Variants in PIP5KL1 observed in about 807,000 individuals in gnomAD.
PIP5KL1 encodes phosphatidylinositol 4-phosphate 5-kinase-like protein 1.
Under a neutral mutation model 47.6 loss-of-function variants are expected in PIP5KL1, and 45 were observed. That is an observed-to-expected ratio of 0.94 (90% CI 0.74 to 1.21). The LOEUF (loss-of-function observed/expected upper bound fraction) is 1.21. Ranked by LOEUF, PIP5KL1 falls within the 50% of genes most tolerant of loss-of-function variation. PIP5KL1 has a pLI of 0.00. For missense variants in PIP5KL1, 577 were observed against 547.6 expected (o/e 1.05, Z -0.54); for synonymous variants, 256 against 234.6 (o/e 1.09, Z -0.84).
intron 3 of PIP5KL1, 96 bp from the exon 4 acceptor site, chr9:127,928,315 C>A: frequency 1.3e-6 from 2 of 1,537,676 alleles, no homozygotes; most frequent in Non-Finnish European, 1.8e-6. Flanking sequence ...CCACACCCTT[C>A]CTGCAAGGCT....
rs1355564828 is a variant in PIP5KL1 at position 127,928,555 on chromosome 9, C to T, written c.229-72G>A. On this transcript the variant is annotated intron_variant, in intron 2 of 9. Transcript: ENST00000388747. ...TGCCTGCCCCAGGATCTCCAGATGT[C>T]CTGCACCTGGCCCGTCCCCCACCTC... 3.5e-6 allele frequency: 5 copies of T among 1,413,562 alleles called. No individual in the cohort carries two copies. In the Admixed American group the frequency reaches 1.3e-4, roughly 35 times the overall value. 87.6% of individuals were successfully genotyped at this position (1,413,562 alleles called of 1,614,324 possible). A position where few individuals can be genotyped will look rare whatever the true frequency, so the allele number is the denominator to read the frequency against.
At chr9:127,924,318 C>T (rs546973682) in intron 9 of PIP5KL1, among the ~76,000 whole-genome samples, 2 of 152,086 alleles carry the variant, frequency 1.3e-5, no homozygotes, top group South Asian at 2.1e-4. Flanking sequence ...GATGAAACCC[C>T]GTCTCTAATA....
Position 127,927,012 on chromosome 9 carries a change from C to CA in PIP5KL1, c.650+140dup. The CA allele has an allele frequency of 1.0e-6, 1 of 1,004,342 alleles. No individual in the cohort carries two copies. The allele number at this position is 1,004,342 out of a possible 1,614,324, so 62.2% of individuals were successfully genotyped here. A position where few individuals can be genotyped will look rare whatever the true frequency, so the allele number is the denominator to read the frequency against. On this transcript the variant is annotated intron_variant, in intron 7 of 9. Coordinates refer to ENST00000388747, the MANE Select transcript of PIP5KL1 (RefSeq NM_001135219.2). The surrounding 1 kb of genome is among the most constrained non-coding windows in gnomAD (Gnocchi z 5.5). ...CTCCAGAGATGCTGGGTGTGGGCGTCACTGTCTCTGACCCACCAGATCTTG... is the reference window on the plus strand; with the variant it reads ...CTCCAGAGATGCTGGGTGTGGGCGTCAACTGTCTCTGACCCACCAGATCTTG...
intron 7 of PIP5KL1, 34 bp from the exon 8 acceptor site, chr9:127,926,013 A>G (rs760641564): frequency 6.7e-7 from 1 of 1,488,576 alleles, no homozygotes; most frequent in South Asian, 1.2e-5. Context: ...CTTTACATAG[A>G]TTTGAGACAC....
intron 9 of PIP5KL1, among the ~76,000 whole-genome samples, chr9:127,924,655 C>CAAAAAAAAA (rs151136722): frequency 1.6e-5 from 1 of 63,624 alleles, no homozygotes. Context: ...AACTCCATCT[C>CAAAAAAAAA]AAAAAAAAAA....
chr9:127,928,214 G>T lies in PIP5KL1; in HGVS notation c.285C>A (p.Phe95Leu). Residue 95 changes from phenylalanine to leucine, a missense_variant, in exon 4 of 10, where the codon TTC becomes TTA. Coordinates refer to ENST00000388747, the MANE Select transcript of PIP5KL1 (RefSeq NM_001135219.2). ...CGGGGCCGGCCAGCGTGCCCAGCTC[G>T]AAGCCCTGCAGGGGAGGAAGAGCCT... The part of the protein sequence containing the change: ...SEVLTQVHEG[F>L]ELGTLAGPAF... 6.5e-7 allele frequency: 1 copy of T among 1,536,228 alleles called. No individual in the cohort carries two copies. Among genetic ancestry groups the T allele is most frequent in the South Asian group, 1.2e-5 (1 of 82,688 alleles).
At chr9:127,926,155 TTC>T (rs910149585) in intron 7 of PIP5KL1, among the ~76,000 whole-genome samples, 176 bp from the exon 8 acceptor site, 3 of 151,858 alleles carry the variant, frequency 2.0e-5, no homozygotes, top group African/African-American at 7.2e-5. Context: ...TTTTCTTTCT[TTC>T]TCTCTCTCTT....
chr9:127,930,678 C>G, intron 1 of PIP5KL1, 45 bp downstream of exon 1: 7 of 1,517,132 alleles, frequency 4.6e-6, no homozygotes, highest in Non-Finnish European at 6.2e-6. Flanking sequence ...CGGCCCCTGC[C>G]CACCAACCCT....
At chr9:127,926,991 A>G (rs1199354484) in intron 7 of PIP5KL1, among the ~76,000 whole-genome samples, 162 bp downstream of exon 7, 1 of 152,220 alleles carries the variant, frequency 6.6e-6, no homozygotes, top group East Asian at 1.9e-4. Flanking sequence ...TGAGTGCTCC[A>G]GAGATGCTGG....
At chr9:127,930,663 A>T in intron 1 of PIP5KL1, 60 bp downstream of exon 1, 2 of 1,463,922 alleles carry the variant, frequency 1.4e-6, no homozygotes, top group African/African-American at 1.5e-5. Flanking sequence ...CGCCGAGGGG[A>T]GGCCCGGCCC....
Position 127,930,242 on chromosome 9 carries a change from G to A in PIP5KL1, c.31-357C>T, listed in dbSNP as rs140534222. Reference sequence around the variant, plus strand: ...ACGTGAAAACTAGAACAGCTTCTTCGTGGTAGGTATGAACTCTTGTTACTT... The same window carrying A: ...ACGTGAAAACTAGAACAGCTTCTTCATGGTAGGTATGAACTCTTGTTACTT... On this transcript the variant is annotated intron_variant, in intron 1 of 9. Transcript: ENST00000388747. Among the ~76,000 whole-genome samples, 12 of 152,302 alleles carry A rather than the reference G, an allele frequency of 7.9e-5. No individual in the cohort carries two copies. In the East Asian group the frequency reaches 2.3e-3, roughly 29 times the overall value.
At chr9:127,924,982 ACT>A (rs1831339168) in intron 9 of PIP5KL1, 123 bp downstream of exon 9, 2 of 1,336,712 alleles carry the variant, frequency 1.5e-6, no homozygotes, top group South Asian at 1.4e-5. Context: ...ACACACACAA[ACT>A]CTGCACTTTC....
intron 9 of PIP5KL1, 110 bp from the exon 10 acceptor site, chr9:127,922,224 C>T (rs909184475): frequency 3.1e-6 from 4 of 1,305,844 alleles, no homozygotes; most frequent in African/African-American, 3.0e-5. Context: ...ATTCCCACAC[C>T]TCCTGTGTGC....
chr9:127,921,624 G>A lies in PIP5KL1; in HGVS notation c.*223C>T. ...CATGGTCTGTAAAAAGAGAATAATAGCATTTTTTGAGGATTAAATGAGCTA... is the reference window on the plus strand; with the variant it reads ...CATGGTCTGTAAAAAGAGAATAATAACATTTTTTGAGGATTAAATGAGCTA... On this transcript the variant is annotated 3_prime_UTR_variant, in exon 10 of 10. Transcript: ENST00000388747. 1.6e-6 allele frequency: 1 copy of A among 611,970 alleles called. No homozygotes were observed. The highest frequency in any genetic ancestry group is 2.8e-6 in the Non-Finnish European group (1 of 357,964). The allele number at this position is 611,970 out of a possible 1,614,324, so 37.9% of individuals were successfully genotyped here.
rs1288233936 is a variant in PIP5KL1, at chr9:127,927,628, C to T, written c.559+20G>A. Reference sequence around the variant, plus strand: ...TGACCTAGGACCCGCCCCCACCGAGCCCCGCCCCCAGCCAAGTACCCAGCA... The same window carrying T: ...TGACCTAGGACCCGCCCCCACCGAGTCCCGCCCCCAGCCAAGTACCCAGCA... On this transcript the variant is annotated intron_variant, in intron 5 of 9. Coordinates refer to ENST00000388747, the MANE Select transcript of PIP5KL1 (RefSeq NM_001135219.2). The surrounding 1 kb of genome is among the most constrained non-coding windows in gnomAD (Gnocchi z 5.5). 2 of 1,524,842 alleles carry T rather than the reference C, an allele frequency of 1.3e-6. No individual in the cohort carries two copies. The highest frequency in any genetic ancestry group is 1.2e-5 in the South Asian group (1 of 83,334). 94.5% of individuals were successfully genotyped at this position (1,524,842 alleles called of 1,614,324 possible).
At chr9:127,928,615 A>C (rs1831397234) in intron 2 of PIP5KL1, 132 bp from the exon 3 acceptor site, 1 of 966,220 alleles carries the variant, frequency 1.0e-6, no homozygotes, top group Admixed American at 2.9e-5. Context: ...CCGGGACCGG[A>C]GTTTCTGAGA....
Position 127,927,348 on chromosome 9 carries a change from C to T in PIP5KL1, c.560-17G>A, listed in dbSNP as rs1009700916. On this transcript the variant is annotated splice_polypyrimidine_tract_variant and intron_variant, in intron 5 of 9. Coordinates refer to ENST00000388747, the MANE Select transcript of PIP5KL1 (RefSeq NM_001135219.2). This position sits in a 1 kb window ranked among gnomAD's most constrained non-coding sequence, Gnocchi z 5.5. ...TGTGCACTCCTGGAAGGGGAGAGGG[C>T]GCCGGATGAGGATCCCCAAACTCCA... 1.9e-6 allele frequency: 3 copies of T among 1,602,282 alleles called. No homozygotes were observed. Among genetic ancestry groups the T allele is most frequent in the Non-Finnish European group, 2.5e-6 (3 of 1,176,706 alleles).
intron 8 of PIP5KL1, chr9:127,925,497 G>C (rs1270568176): frequency 1.9e-6 from 1 of 521,518 alleles, no homozygotes. Flanking sequence ...ACAGAGTCTT[G>C]CTCTGTCGCA....
In PIP5KL1 at chr9:127,929,653, G is replaced by A; in HGVS notation, c.228+35C>T. 1.1e-5 allele frequency: 17 copies of A among 1,510,640 alleles called. No homozygotes were observed. The highest frequency in any genetic ancestry group is 1.5e-5 in the Non-Finnish European group (17 of 1,118,220). 93.6% of individuals were successfully genotyped at this position (1,510,640 alleles called of 1,614,324 possible). On this transcript the variant is annotated intron_variant, in intron 2 of 9. Transcript: ENST00000388747. The surrounding 1 kb of genome is among the most constrained non-coding windows in gnomAD (Gnocchi z 4.0). Reference sequence around the variant, plus strand: ...GCATCAGCCAAGTCTTGCCATTGCTGGTGTGGAGATTCGTGGGACAGATGG... The same window carrying A: ...GCATCAGCCAAGTCTTGCCATTGCTAGTGTGGAGATTCGTGGGACAGATGG...
Sources: gnomAD v4.1 joint callset for allele counts (sites outside exome capture counted in the v4.1 genomes callset) on GRCh38, gnomAD v4.1.1 for gene constraint, Gnocchi (gnomAD v3.1) non-coding constraint, MANE v1.5 for transcripts, NCBI Gene and HGNC (gene_info 2026-07-23, HGNC 2026-07-21) for gene names.